Variants in STON2 observed in about 807,000 individuals in gnomAD.
The protein encoded by STON2 is stonin-2.
A neutral mutation model predicts 65.7 loss-of-function variants in STON2; 29 were observed. The observed-to-expected ratio is 0.44, with a 90% confidence interval of 0.33 to 0.60. The LOEUF (loss-of-function observed/expected upper bound fraction) is 0.60. Among genes scored for constraint, STON2 ranks in the 20% least tolerant of loss-of-function variants. The pLI is 0.03. For missense variants in STON2, 1,054 were observed against 1,118.1 expected (o/e 0.94, Z 0.82); for synonymous variants, 404 against 414.2 (o/e 0.98, Z 0.30).
At chr14:81,395,192 T>C (rs1276842394) in intron 3 of STON2, 2 of 152,330 alleles carry the variant, frequency 1.3e-5, no homozygotes, top group African/African-American at 4.8e-5. Flanking sequence ...ACAAATCCTA[T>C]TGGTGACTTG....
intron 4 of STON2, among the ~76,000 whole-genome samples, chr14:81,349,801 C>T (rs1256072292): frequency 1.3e-5 from 2 of 151,942 alleles, no homozygotes; most frequent in Admixed American, 1.3e-4. Context: ...TCACTATTTA[C>T]AATAGTCAAG....
chr14:81,312,036 C>G (rs1045096677), intron 5 of STON2, among the ~76,000 whole-genome samples: 1 of 152,216 alleles, frequency 6.6e-6, no homozygotes, highest in Non-Finnish European at 1.5e-5. Context: ...CACATGCCCA[C>G]GCTTGTGTAC....
Position 81,265,238 on chromosome 14 carries a change from C to T in STON2, c.*3176G>A, listed in dbSNP as rs1311499225. Reference sequence around the variant, plus strand: ...TTTAAACCTAGTAAAACACTCATTACGTCTAAAAATATATAGTATTATTAT... The same window carrying T: ...TTTAAACCTAGTAAAACACTCATTATGTCTAAAAATATATAGTATTATTAT... On this transcript the variant is annotated 3_prime_UTR_variant, in exon 8 of 8. Transcript: ENST00000614646. The T allele has an allele frequency of 6.1e-6, 6 of 983,588 alleles. No homozygotes were observed. The highest frequency in any genetic ancestry group is 1.1e-4 in the East Asian group (1 of 8,810). The allele number at this position is 983,588 out of a possible 1,614,324, so 60.9% of individuals were successfully genotyped here.
intron 6 of STON2, among the ~76,000 whole-genome samples, chr14:81,273,294 G>A (rs910368626): frequency 1.3e-5 from 2 of 152,196 alleles, no homozygotes; most frequent in African/African-American, 4.8e-5. Flanking sequence ...TTAATTCATA[G>A]TAATGCATTA....
intron 4 of STON2, among the ~76,000 whole-genome samples, chr14:81,363,416 G>C (rs1358285150): frequency 1.3e-5 from 2 of 152,164 alleles, no homozygotes; most frequent in Admixed American, 6.5e-5. Flanking sequence ...TGTATTCTCA[G>C]TAACTGCCAA....
At position 81,277,614 on chromosome 14, in the gene STON2, T is replaced by C. The variant is rs1339885521; in HGVS notation, c.1868A>G (p.Tyr623Cys). 4 of 1,614,034 alleles carry C rather than the reference T, an allele frequency of 2.5e-6. No homozygotes were observed. The highest frequency in any genetic ancestry group is 3.3e-5 in the Admixed American group (2 of 59,992). ...ATCCACTGTAATCTCCTCTTCAAGGTAGTTGAGGCCAACTGTGCTCAAGTC... is the reference window on the plus strand; with the variant it reads ...ATCCACTGTAATCTCCTCTTCAAGGCAGTTGAGGCCAACTGTGCTCAAGTC... ...SMDLSTVGLN[Y>C]LEEEITVDVR... Residue 623 changes from tyrosine to cysteine, a missense_variant, in exon 6 of 8, where the codon TAC becomes TGC. Physicochemically the swap from Tyr to Cys is radical, Grantham distance 194 (BLOSUM62 -2). Coordinates refer to ENST00000614646, the MANE Select transcript of STON2 (RefSeq NM_001394390.1).
chr14:81,314,938 G>A (rs1327555995), intron 5 of STON2, among the ~76,000 whole-genome samples: 2 of 151,926 alleles, frequency 1.3e-5, no homozygotes, highest in South Asian at 2.1e-4. Flanking sequence ...TTGAACTCTT[G>A]GGCTTTAGGA....
chr14:81,434,965 C>T (rs1227910885), intron 1 of STON2, among the ~76,000 whole-genome samples: 1 of 152,064 alleles, frequency 6.6e-6, no homozygotes, highest in Non-Finnish European at 1.5e-5. Flanking sequence ...CTCTCTCTCT[C>T]TTTCTCCCTC....
At chr14:81,360,721 G>A (rs979065900) in intron 4 of STON2, among the ~76,000 whole-genome samples, 1 of 152,130 alleles carries the variant, frequency 6.6e-6, no homozygotes, top group Admixed American at 6.5e-5. Context: ...AGAAAAGGAG[G>A]AAATGAAATT....
chr14:81,313,716 AC>A (rs1180267423), intron 5 of STON2, among the ~76,000 whole-genome samples: 5 of 150,162 alleles, frequency 3.3e-5, no homozygotes, highest in Non-Finnish European at 5.9e-5. Context: ...AATCGCTTGA[AC>A]CCGGGAGGCA....
chr14:81,284,026 C>T (rs796508163), intron 5 of STON2, among the ~76,000 whole-genome samples: 6 of 152,280 alleles, frequency 3.9e-5, no homozygotes, highest in African/African-American at 1.4e-4. Context: ...TTTGGGGCAC[C>T]ATAAACTGTG....
chr14:81,318,960 A>T (rs1896723834), intron 5 of STON2, among the ~76,000 whole-genome samples: 1 of 152,258 alleles, frequency 6.6e-6, no homozygotes, highest in African/African-American at 2.4e-5. Flanking sequence ...TAGTGACATT[A>T]TCAGAAGCTT....
At chr14:81,358,379 T>G (rs1214012125) in intron 4 of STON2, among the ~76,000 whole-genome samples, 1 of 151,906 alleles carries the variant, frequency 6.6e-6, no homozygotes, top group African/African-American at 2.4e-5. Flanking sequence ...AGCCTCTTGG[T>G]GATCACAAAG....
At chr14:81,409,752 C>T (rs1180279030) in intron 2 of STON2, among the ~76,000 whole-genome samples, 1 of 152,178 alleles carries the variant, frequency 6.6e-6, no homozygotes, top group African/African-American at 2.4e-5. Flanking sequence ...CACAACAGCA[C>T]ATTCTGCCTT....
chr14:81,360,274 C>T (rs1489468847), intron 4 of STON2, among the ~76,000 whole-genome samples: 1 of 152,096 alleles, frequency 6.6e-6, no homozygotes, highest in Non-Finnish European at 1.5e-5. Context: ...ATGCCAAAAT[C>T]CTCAACAAAA....
intron 2 of STON2, among the ~76,000 whole-genome samples, chr14:81,424,759 T>C (rs1006370674): frequency 6.6e-6 from 1 of 152,186 alleles, no homozygotes; most frequent in Non-Finnish European, 1.5e-5. Context: ...TCCAAGTTGA[T>C]AGAAATTTCC....
At chr14:81,420,725 C>T (rs1419226470) in intron 2 of STON2, among the ~76,000 whole-genome samples, 1 of 152,156 alleles carries the variant, frequency 6.6e-6, no homozygotes, top group African/African-American at 2.4e-5. Flanking sequence ...AGAAAATGGA[C>T]ATTCCAAGCT....
chr14:81,296,586 T>G (rs1895770504), intron 5 of STON2, among the ~76,000 whole-genome samples: 1 of 152,178 alleles, frequency 6.6e-6, no homozygotes, highest in Admixed American at 6.5e-5. Flanking sequence ...TCTCTTTGTC[T>G]CTTTTTCTCT....
At position 81,261,944 on chromosome 14, in the gene STON2, T is replaced by TAA. The variant is rs753081402; in HGVS notation, c.*6468_*6469dup. On this transcript the variant is annotated 3_prime_UTR_variant, in exon 8 of 8. Coordinates refer to ENST00000614646, the MANE Select transcript of STON2 (RefSeq NM_001394390.1). ...CTGTTTCTGTTGTCTGGGGAAATGA[T>TAA]AAAAAAAAAAAAAAAAAAGAGAGAG... The TAA allele has an allele frequency of 0.073, 85,872 of 1,171,768 alleles. 699 individuals carry two copies. The highest frequency in any genetic ancestry group is 0.11 in the African/African-American group (6,019 of 53,696). 72.6% of individuals were successfully genotyped at this position (1,171,768 alleles called of 1,614,324 possible). A position where few individuals can be genotyped will look rare whatever the true frequency, so the allele number is the denominator to read the frequency against.
Sources: allele counts gnomAD v4.1 joint callset (sites outside exome capture counted in the v4.1 genomes callset), GRCh38; gene constraint gnomAD v4.1.1; transcripts MANE v1.5; gene names NCBI Gene and HGNC (gene_info 2026-07-23, HGNC 2026-07-21).